The following LAMA3 variants were observed in gnomAD, a reference collection of about 807,000 sequenced individuals.
LAMA3 encodes the protein laminin subunit alpha-3.
A neutral mutation model predicts 402.0 loss-of-function variants in LAMA3; 281 were observed. That is an observed-to-expected ratio of 0.70 (90% confidence interval 0.63 to 0.77). The LOEUF (loss-of-function observed/expected upper bound fraction) is 0.77, where lower values mean the gene tolerates loss of function less well. Among genes scored for constraint, LAMA3 ranks in the 30% least tolerant of loss-of-function variants. LAMA3 has a pLI of 0.00. For missense variants in LAMA3, 3,840 were observed against 4,215.5 expected, an observed-to-expected ratio of 0.91 and a Z score of 2.47; for synonymous variants, 1,431 against 1,558.4, an observed-to-expected ratio of 0.92 and a Z score of 1.93.
At chr18:23,869,461 A>T (rs1408693017) in intron 37 of LAMA3, among the ~76,000 whole-genome samples, 2 of 152,204 alleles carry the variant, frequency 1.3e-5, no homozygotes, top group Non-Finnish European at 2.9e-5. Flanking sequence ...AAATGTTCTA[A>T]AATTACATTA....
intron 74 of LAMA3, 81 bp downstream of exon 74, chr18:23,953,190 T>G: frequency 7.6e-6 from 12 of 1,578,452 alleles, no homozygotes; most frequent in Non-Finnish European, 1.0e-5. Flanking sequence ...GCAGGGCAGC[T>G]CTTGGCTGGA....
At chr18:23,699,809 G>A (rs919230722) in intron 1 of LAMA3, among the ~76,000 whole-genome samples, 1 of 152,168 alleles carries the variant, frequency 6.6e-6, no homozygotes, top group Non-Finnish European at 1.5e-5. Flanking sequence ...AGGCTGGGAC[G>A]TGCTGGGCTG....
At chr18:23,855,732 A>G (rs2096003555) in intron 32 of LAMA3, among the ~76,000 whole-genome samples, 1 of 152,150 alleles carries the variant, frequency 6.6e-6, no homozygotes, top group Admixed American at 6.5e-5. Context: ...TTTACAATCC[A>G]CTGCACTAGA....
At chr18:23,940,468 G>A (rs2082462385) in intron 68 of LAMA3, among the ~76,000 whole-genome samples, 2 of 152,208 alleles carry the variant, frequency 1.3e-5, no homozygotes, top group South Asian at 2.1e-4. Context: ...GCTGCCACAT[G>A]CCGTTTAACT....
At chr18:23,800,576 A>G (rs1171438877) in intron 12 of LAMA3, among the ~76,000 whole-genome samples, 3 of 152,186 alleles carry the variant, frequency 2.0e-5, no homozygotes, top group African/African-American at 7.2e-5. Context: ...GAAAGTATAC[A>G]CTAAATTATT....
intron 35 of LAMA3, 38 bp from the exon 36 acceptor site, chr18:23,864,747 T>C: frequency 7.6e-7 from 1 of 1,313,428 alleles, no homozygotes; most frequent in Non-Finnish European, 1.1e-6. Flanking sequence ...TCATCTCTTT[T>C]AATGCTTGTG....
In LAMA3 at chr18:23,838,805, G is replaced by A; in HGVS notation, c.3118G>A (p.Glu1040Lys). Residue 1040 changes from glutamate to lysine, a missense_variant, in exon 26 of 75, where the codon GAA (glutamate) becomes AAA (lysine). By Grantham distance (56) the Glu-to-Lys change is moderately conservative. Around this residue, in one of 3 missense-constraint regions of LAMA3, gnomAD observed 2,109 missense variants for 2,376.0 expected, o/e 0.89. Coordinates refer to ENST00000313654, the MANE Select transcript of LAMA3 (RefSeq NM_198129.4). Reference sequence around the variant, plus strand: ...GCATCAAGTTTGTATCATACCTATTGAAGAATTCTCAGCTGAGTATGTGAG... The same window carrying A: ...GCATCAAGTTTGTATCATACCTATTAAAGAATTCTCAGCTGAGTATGTGAG... ...LLHQVCIIPI[E>K]EFSAEYVRPQ... 2 of 1,610,182 alleles carry A rather than the reference G, an allele frequency of 1.2e-6. No homozygotes were observed.
At chr18:23,886,028 C>A (rs2065062731) in intron 41 of LAMA3, among the ~76,000 whole-genome samples, 1 of 152,214 alleles carries the variant, frequency 6.6e-6, no homozygotes, top group Admixed American at 6.5e-5. Context: ...TAAGTATTCA[C>A]TGATAACATC....
At chr18:23,922,057 C>T (rs527267837) in intron 62 of LAMA3, among the ~76,000 whole-genome samples, 3 of 152,048 alleles carry the variant, frequency 2.0e-5, no homozygotes, top group African/African-American at 4.8e-5. Flanking sequence ...TGCTATCGAG[C>T]GTGGAATTGT....
intron 10 of LAMA3, among the ~76,000 whole-genome samples, chr18:23,777,182 T>A (rs2062339909): frequency 6.6e-6 from 1 of 152,032 alleles, no homozygotes; most frequent in African/African-American, 2.4e-5. Context: ...TGAAGTAGTT[T>A]TATGGCATAA....
chr18:23,835,815 G>T (rs930090404), intron 24 of LAMA3, among the ~76,000 whole-genome samples: 5 of 151,998 alleles, frequency 3.3e-5, no homozygotes, highest in Non-Finnish European at 5.9e-5. Context: ...TTCTGCTGAG[G>T]TTTCAACTTT....
chr18:23,737,470 C>A (rs2061494804), intron 2 of LAMA3, among the ~76,000 whole-genome samples: 1 of 152,208 alleles, frequency 6.6e-6, no homozygotes, highest in Non-Finnish European at 1.5e-5. Context: ...CACATTTGTT[C>A]TGCTATGAAA....
chr18:23,773,449 T>C (rs772858488), intron 8 of LAMA3, 48 bp from the exon 9 acceptor site: 6 of 1,154,680 alleles, frequency 5.2e-6, no homozygotes, highest in Non-Finnish European at 7.7e-6. Context: ...ATAAGGAGAA[T>C]CGTCTTCCCC....
intron 27 of LAMA3, among the ~76,000 whole-genome samples, chr18:23,841,968 A>G (rs2063711899): frequency 6.6e-6 from 1 of 152,162 alleles, no homozygotes; most frequent in African/African-American, 2.4e-5. Context: ...GTTATTATGC[A>G]TAGCACAGTT....
At chr18:23,875,766 C>T (rs1277083587) in intron 38 of LAMA3, among the ~76,000 whole-genome samples, 5 of 152,134 alleles carry the variant, frequency 3.3e-5, no homozygotes, top group African/African-American at 1.2e-4. Flanking sequence ...TAGATGTCCT[C>T]CCCTCTAAGG....
intron 37 of LAMA3, among the ~76,000 whole-genome samples, chr18:23,869,414 C>CTA (rs1254135078): frequency 6.6e-6 from 1 of 152,100 alleles, no homozygotes; most frequent in Non-Finnish European, 1.5e-5. Flanking sequence ...TGGGTAGTGA[C>CTA]TACAAATTGA....
chr18:23,915,197 A>C, intron 58 of LAMA3, 92 bp from the exon 59 acceptor site: 2 of 1,383,586 alleles, frequency 1.4e-6, no homozygotes, highest in Non-Finnish European at 2.0e-6. Flanking sequence ...ATTAACCCTT[A>C]TGCCATAGTG....
intron 42 of LAMA3, 105 bp downstream of exon 42, chr18:23,890,222 C>T (rs779419660): frequency 1.8e-5 from 14 of 786,466 alleles, no homozygotes; most frequent in Non-Finnish European, 3.1e-5. Context: ...TACACAATTC[C>T]AGCCAGCAAG....
chr18:23,742,544 G>T (rs1281043376), intron 2 of LAMA3, among the ~76,000 whole-genome samples: 2 of 152,166 alleles, frequency 1.3e-5, no homozygotes, highest in African/African-American at 2.4e-5. Context: ...ACATGAAAAT[G>T]TTGAATTTAT....
Sources: allele counts gnomAD v4.1 joint callset (sites outside exome capture counted in the v4.1 genomes callset), GRCh38; gene constraint gnomAD v4.1.1; regional missense constraint gnomAD v4.1.1; transcripts MANE v1.5; gene names NCBI Gene and HGNC (gene_info 2026-07-23, HGNC 2026-07-21).